The following COG3 variants were observed in gnomAD, a reference collection of about 807,000 sequenced individuals.
COG3 encodes conserved oligomeric Golgi complex subunit 3.
COG3 carries 32 observed loss-of-function variants against 114.1 expected under a neutral mutation model. That is an observed-to-expected ratio of 0.28 (90% confidence interval 0.21 to 0.38). The LOEUF (loss-of-function observed/expected upper bound fraction) is 0.38. Among genes scored for constraint, COG3 ranks in the 10% least tolerant of loss-of-function variants. The probability of loss-of-function intolerance (pLI) is 1.00; values close to 1 mark genes in which losing one functional copy is unlikely to be tolerated. For synonymous variants in COG3, 352 were observed against 365.7 expected (o/e 0.96, Z 0.43); for missense variants, 813 against 973.2 (o/e 0.84, Z 2.19).
At chr13:45,489,858 G>T (rs1283215547) in intron 8 of COG3, among the ~76,000 whole-genome samples, 2 of 149,530 alleles carry the variant, frequency 1.3e-5, no homozygotes, top group African/African-American at 4.9e-5. Context: ...ACTTGATCTG[G>T]TAAATAGGCA....
chr13:45,474,272 C>T (rs1181615687), intron 1 of COG3, among the ~76,000 whole-genome samples: 1 of 150,784 alleles, frequency 6.6e-6, no homozygotes. Context: ...ATTCTCCTGC[C>T]TCAGCCTCCC....
intron 13 of COG3, among the ~76,000 whole-genome samples, chr13:45,497,657 G>C (rs187192014): frequency 1.3e-5 from 2 of 152,034 alleles, no homozygotes; most frequent in East Asian, 3.9e-4. Context: ...GTGATGGTGT[G>C]CTCCTGTGAT....
intron 4 of COG3, among the ~76,000 whole-genome samples, chr13:45,480,745 T>C (rs1402838847): frequency 6.6e-6 from 1 of 152,140 alleles, no homozygotes; most frequent in Non-Finnish European, 1.5e-5. Context: ...TTTGTATTTT[T>C]AGTAGAGACA....
chr13:45,472,295 G>C (rs1356190855), intron 1 of COG3, among the ~76,000 whole-genome samples: 3 of 152,000 alleles, frequency 2.0e-5, no homozygotes, highest in African/African-American at 7.2e-5. Context: ...GTGCACAGAG[G>C]GGTTTGCCTG....
chr13:45,535,209 T>C lies in COG3; in HGVS notation c.*478T>C, dbSNP rs1873472305. ...TTCTATGCTCTTATTTAATGTAATGTTTCTCCTGTCATTTTTGAAGTTGAG... is the reference window on the plus strand; with the variant it reads ...TTCTATGCTCTTATTTAATGTAATGCTTCTCCTGTCATTTTTGAAGTTGAG... On this transcript the variant is annotated 3_prime_UTR_variant, in exon 23 of 23. Coordinates refer to ENST00000349995, the MANE Select transcript of COG3 (RefSeq NM_031431.4). 1.0e-6 allele frequency: 1 copy of C among 986,010 alleles called. No homozygotes were observed. Among genetic ancestry groups the C allele is most frequent in the Middle Eastern group, 5.2e-4 (1 of 1,918 alleles). 61.1% of individuals were successfully genotyped at this position (986,010 alleles called of 1,614,324 possible).
At chr13:45,491,064 T>TACAAGTG in intron 9 of COG3, 106 bp downstream of exon 9, 1 of 769,706 alleles carries the variant, frequency 1.3e-6, no homozygotes, top group Non-Finnish European at 2.2e-6. Context: ...CCTTCCAGCT[T>TACAAGTG]GTTCTTGTAA....
chr13:45,520,797 C>G (rs1267849683), intron 19 of COG3, among the ~76,000 whole-genome samples: 1 of 152,090 alleles, frequency 6.6e-6, no homozygotes, highest in Non-Finnish European at 1.5e-5. Context: ...AGTATTGGTA[C>G]TTTGTAATTT....
chr13:45,505,412 C>T (rs1470973872), intron 14 of COG3, among the ~76,000 whole-genome samples: 1 of 150,922 alleles, frequency 6.6e-6, no homozygotes, highest in African/African-American at 2.4e-5. Flanking sequence ...AGCAATTCTC[C>T]TGCCTCAGCC....
chr13:45,472,178 A>C (rs1471399850), intron 1 of COG3, among the ~76,000 whole-genome samples: 1 of 152,156 alleles, frequency 6.6e-6, no homozygotes, highest in Non-Finnish European at 1.5e-5. Flanking sequence ...ATTTCTGATG[A>C]GAAGTCTGCT....
Position 45,491,537 on chromosome 13 carries a change from T to G in COG3, c.1094T>G (p.Leu365Trp), listed in dbSNP as rs1387663685. 6.2e-7 allele frequency: 1 copy of G among 1,609,754 alleles called. No individual in the cohort carries two copies. The highest frequency in any genetic ancestry group is 8.5e-7 in the Non-Finnish European group (1 of 1,178,562). Residue 365 changes from leucine to tryptophan, a missense_variant and splice_region_variant, in exon 10 of 23, where the codon TTG becomes TGG. Around this residue, in one of 2 missense-constraint regions of COG3, gnomAD observed 424 missense variants for 430.6 expected, o/e 0.98. Transcript: ENST00000349995. ...TSQNNRDHCA[L>W]VRSGCAFMVH... ...CAAAATAATAGAGATCACTGTGCCT[T>G]GGTAAGTTTCTACTTGTTTTGGTTT... is the stretch of plus-strand genomic sequence containing the variant.
intron 7 of COG3, among the ~76,000 whole-genome samples, 156 bp from the exon 8 acceptor site, chr13:45,486,339 C>A (rs1340602684): frequency 0.27 from 12,336 of 45,244 alleles, 1,573 homozygotes; most frequent in East Asian, 0.32. Flanking sequence ...AGACGGGAGA[C>A]GGGAGAGGGA....
chr13:45,535,868 GCTT>G lies in COG3; in HGVS notation c.*1141_*1143del, dbSNP rs1318533231. Reference sequence around the variant, plus strand: ...TTTGCCGCTGATGTTAAGGCAGCCAGCTTCTTAGTTCAAAAAGAATTCTGAGTT... The same window carrying G: ...TTTGCCGCTGATGTTAAGGCAGCCAGCTTAGTTCAAAAAGAATTCTGAGTT... On this transcript the variant is annotated 3_prime_UTR_variant, in exon 23 of 23. Transcript: ENST00000349995. 1.0e-6 allele frequency: 1 copy of G among 987,506 alleles called. No homozygotes were observed. The highest frequency in any genetic ancestry group is 1.2e-6 in the Non-Finnish European group (1 of 830,112). 61.2% of individuals were successfully genotyped at this position (987,506 alleles called of 1,614,324 possible). A position where few individuals can be genotyped will look rare whatever the true frequency, so the allele number is the denominator to read the frequency against.
intron 21 of COG3, 44 bp downstream of exon 21, chr13:45,529,962 A>G: frequency 1.9e-6 from 3 of 1,570,306 alleles, no homozygotes; most frequent in Non-Finnish European, 2.6e-6. Context: ...GGTGACTTCA[A>G]GTATTCTTTG....
At chr13:45,518,727 T>G (rs753621487) in intron 17 of COG3, 35 bp from the exon 18 acceptor site, 2 of 1,529,048 alleles carry the variant, frequency 1.3e-6, no homozygotes, top group Admixed American at 1.7e-5. Context: ...GTTGAAACTT[T>G]ACATGTTCAC....
chr13:45,532,955 T>A (rs996100980), intron 22 of COG3, among the ~76,000 whole-genome samples: 1 of 151,996 alleles, frequency 6.6e-6, no homozygotes, highest in Non-Finnish European at 1.5e-5. Context: ...GGAAAATATC[T>A]TGACAATGTG....
In COG3 at chr13:45,503,388, T is replaced by C. The variant is rs1869757807; in HGVS notation, c.1594+39T>C. On this transcript the variant is annotated intron_variant, in intron 14 of 22. Transcript: ENST00000349995. ...TCTTAACTGCCAGCATTTATTCATT[T>C]GGGTTAACAAACCTTTACTGAGGAC... 46 of 1,124,742 alleles carry C rather than the reference T, an allele frequency of 4.1e-5. No homozygotes were observed. The East Asian group carries it at 1.1e-3, about 26-fold the overall frequency. 69.7% of individuals were successfully genotyped at this position (1,124,742 alleles called of 1,614,324 possible).
intron 19 of COG3, among the ~76,000 whole-genome samples, chr13:45,521,525 G>C (rs1171719486): frequency 6.6e-6 from 1 of 151,760 alleles, no homozygotes; most frequent in Non-Finnish European, 1.5e-5. Context: ...TCCAGATTCA[G>C]TTCCCTTTCA....
At chr13:45,531,912 C>T (rs2137934782) in intron 22 of COG3, 2 of 152,254 alleles carry the variant, frequency 1.3e-5, no homozygotes, top group East Asian at 3.9e-4. Context: ...CTATAGAATT[C>T]ATCTTTTTAA....
chr13:45,483,959 GC>G (rs1487792822), intron 7 of COG3, among the ~76,000 whole-genome samples: 15 of 152,122 alleles, frequency 9.9e-5, no homozygotes, highest in Admixed American at 9.8e-4. Context: ...ACAGAAAGAA[GC>G]AAATCAATTA....
Sources: allele counts gnomAD v4.1 joint callset (sites outside exome capture counted in the v4.1 genomes callset), GRCh38; gene constraint gnomAD v4.1.1; regional missense constraint gnomAD v4.1.1; transcripts MANE v1.5; gene names NCBI Gene and HGNC (gene_info 2026-07-23, HGNC 2026-07-21).